CNGA4: variants seen among roughly 807,000 people sequenced by gnomAD.
CNGA4 encodes the protein cyclic nucleotide gated channel subunit alpha 4.
Under a neutral mutation model 45.6 loss-of-function variants are expected in CNGA4, and 32 were observed. The observed-to-expected ratio is 0.70, with a 90% CI of 0.53 to 0.94. The LOEUF (loss-of-function observed/expected upper bound fraction) is 0.94. CNGA4 is among the 40% of genes least tolerant of loss of function. The pLI is 0.00. For missense variants in CNGA4, 726 were observed against 755.1 expected, an observed-to-expected ratio of 0.96 and a Z score of 0.45; for synonymous variants, 293 against 304.6, an observed-to-expected ratio of 0.96 and a Z score of 0.40.
rs1847909650 is a variant in CNGA4, at chr11:6,240,940, CA to C, written c.917+235del. On this transcript the variant is annotated intron_variant, in intron 4 of 5. Coordinates refer to ENST00000379936, the MANE Select transcript of CNGA4 (RefSeq NM_001037329.4). This position sits in a 1 kb window ranked among gnomAD's most constrained non-coding sequence, Gnocchi z 4.9. ...ACTGATAGGGAGAGGAGCTCATACT[CA>C]AAAAAGGATAATATGGAGACCAGGG... Among the ~76,000 whole-genome samples the C allele has an allele frequency of 6.6e-6, 1 of 151,906 alleles. No individual in the cohort carries two copies. The highest frequency in any genetic ancestry group is 1.5e-5 in the Non-Finnish European group (1 of 67,972).
At chr11:6,236,772 T>C (rs1310340470), upstream of CNGA4, among the ~76,000 whole-genome samples, 1 of 152,218 alleles carries the variant, frequency 6.6e-6, no homozygotes, top group Non-Finnish European at 1.5e-5. Flanking sequence ...TTGTTCTGGT[T>C]ACTATGCTAT....
chr11:6,241,833 A>G (rs764158294), intron 5 of CNGA4, 53 bp downstream of exon 5: 1 of 1,526,314 alleles, frequency 6.6e-7, no homozygotes, highest in African/African-American at 1.4e-5. Context: ...GTAGGGGGGA[A>G]CAGCAGAGCC....
At chr11:6,235,682 T>A (rs1847823237), upstream of CNGA4, among the ~76,000 whole-genome samples, 1 of 152,224 alleles carries the variant, frequency 6.6e-6, no homozygotes, top group South Asian at 2.1e-4. Context: ...GGCTCACGCC[T>A]GTAATCCCAG....
chr11:6,240,238 C>G lies in CNGA4; in HGVS notation c.444C>G (p.Pro148=), dbSNP rs571568155. The G allele has an allele frequency of 4.3e-6, 7 of 1,614,256 alleles. 1 individual carries two copies. The South Asian group carries it at 6.6e-5, about 15-fold the overall frequency. The change falls in exon 4 of 6, where the codon CCC becomes CCG. Residue 148 remains proline, a synonymous_variant. Coordinates refer to ENST00000379936, the MANE Select transcript of CNGA4 (RefSeq NM_001037329.4). This position sits in a 1 kb window ranked among gnomAD's most constrained non-coding sequence, Gnocchi z 4.9. ...GGCTGAACCGCTTTCTCCGCGCGCC[C>G]CGCCTCTTCGAGGCCTTCGACCGCA... ...TLRLNRFLRA[P]RLFEAFDRTE...
rs779761164 is a variant in CNGA4, at chr11:6,241,583, T to G, written c.1070T>G (p.Leu357Arg). ...TTTCAGAACTGTGAGGCCAGCCTGC[T>G]GGAGGAGCTGGTGCTGAAGCTGCAG... ...QIFQNCEASL[L>R]EELVLKLQPQ... The change falls in exon 5 of 6, where the codon CTG becomes CGG. Residue 357 changes from leucine (L) to arginine (R), a missense_variant. Coordinates refer to ENST00000379936, the MANE Select transcript of CNGA4 (RefSeq NM_001037329.4). 1.2e-6 allele frequency: 2 copies of G among 1,614,216 alleles called. No homozygotes were observed.
upstream of CNGA4, among the ~76,000 whole-genome samples, chr11:6,236,407 A>G (rs1234187127): frequency 1.3e-5 from 2 of 152,278 alleles, no homozygotes; most frequent in Non-Finnish European, 2.9e-5. Context: ...AAACAAGCTG[A>G]TAAGGCCCAA....
chr11:6,240,778 T>G lies in CNGA4; in HGVS notation c.917+67T>G. ...GGTGATGGAACCTGAGGGAGGTAAC[T>G]GGGTCCTTAGTGCCTGGTGAGCCAG... On this transcript the variant is annotated intron_variant, in intron 4 of 5. Coordinates refer to ENST00000379936, the MANE Select transcript of CNGA4 (RefSeq NM_001037329.4). The surrounding 1 kb of genome is among the most constrained non-coding windows in gnomAD (Gnocchi z 4.9). The G allele has an allele frequency of 1.3e-6, 2 of 1,552,662 alleles. No homozygotes were observed. Among genetic ancestry groups the G allele is most frequent in the Non-Finnish European group, 1.7e-6 (2 of 1,143,254 alleles).
At chr11:6,236,231 C>T (rs1435776052), upstream of CNGA4, among the ~76,000 whole-genome samples, 1 of 152,136 alleles carries the variant, frequency 6.6e-6, no homozygotes, top group African/African-American at 2.4e-5. Flanking sequence ...TACAGTGTGT[C>T]GGGAGCCTAG....
In CNGA4 at chr11:6,241,125, A is replaced by G. The variant is rs182184862; in HGVS notation, c.918-306A>G. 1.3e-3 allele frequency among the ~76,000 whole-genome samples: 195 copies of G among 152,300 alleles called. 1 individual carries two copies. Among genetic ancestry groups the G allele is most frequent in the African/African-American group, 4.6e-3 (192 of 41,554 alleles). On this transcript the variant is annotated intron_variant, in intron 4 of 5. Transcript: ENST00000379936. ...AAAGGAAGTGTCACAAAGTTGGGGA[A>G]GTAGAGCAGAGGGTCCCCAGAGAGG...
At position 6,239,439 on chromosome 11, in the gene CNGA4, A is replaced by G. The variant is rs777962404; in HGVS notation, c.118A>G (p.Thr40Ala). 51 of 1,614,112 alleles carry G rather than the reference A, an allele frequency of 3.2e-5. No homozygotes were observed. The highest frequency in any genetic ancestry group is 3.9e-5 in the Non-Finnish European group (46 of 1,180,050). ...SGDYYYWWLNTMVFPVMYNLI... is the reference protein window; with the variant it reads ...SGDYYYWWLNAMVFPVMYNLI... ...GGATTACTACTACTGGTGGCTGAAC[A>G]CAATGGTCTTCCCAGTCATGTATAA... Residue 40 changes from threonine (T) to alanine (A), a missense_variant, in exon 2 of 6, where the codon ACA becomes GCA. Physicochemically the swap from Thr to Ala is moderately conservative, Grantham distance 58. Transcript: ENST00000379936.
At position 6,240,383 on chromosome 11, in the gene CNGA4, G is replaced by A. The variant is rs771577653; in HGVS notation, c.589G>A (p.Gly197Arg). The change falls in exon 4 of 6, where the codon GGG (glycine) becomes AGG (arginine). Residue 197 changes from glycine to arginine, a missense_variant. Gly to Arg is a moderately radical substitution (Grantham distance 125). Coordinates refer to ENST00000379936, the MANE Select transcript of CNGA4 (RefSeq NM_001037329.4). The surrounding 1 kb of genome is among the most constrained non-coding windows in gnomAD (Gnocchi z 4.9). ...TGCCCTATCCCGGTACCTGGGCTTC[G>A]GGCGTGACGCATGGGTGTACCCGGA... ...YFALSRYLGF[G>R]RDAWVYPDPA... 6 of 1,614,218 alleles carry A rather than the reference G, an allele frequency of 3.7e-6. No individual in the cohort carries two copies. The East Asian group carries it at 6.7e-5, about 18-fold the overall frequency.
upstream of CNGA4, among the ~76,000 whole-genome samples, chr11:6,236,590 G>A (rs1247963431): frequency 6.6e-6 from 1 of 152,172 alleles, no homozygotes; most frequent in African/African-American, 2.4e-5. Flanking sequence ...TTAGAATTCA[G>A]GATAGTGATT....
At position 6,240,535 on chromosome 11, in the gene CNGA4, G is replaced by C. The variant is rs374795265; in HGVS notation, c.741G>C (p.Met247Ile). ...CCAGGGAAGAAGAGTACCTCTTCAT[G>C]GTGGGCGACTTCCTGCTGGCCGTCA... ...PPAREEEYLF[M>I]VGDFLLAVMG... Residue 247 changes from methionine to isoleucine, a missense_variant, in exon 4 of 6, where the codon ATG (methionine) becomes ATC (isoleucine). Physicochemically the swap from Met to Ile is conservative, Grantham distance 10 (BLOSUM62 1). Coordinates refer to ENST00000379936, the MANE Select transcript of CNGA4 (RefSeq NM_001037329.4). The surrounding 1 kb of genome is among the most constrained non-coding windows in gnomAD (Gnocchi z 4.9). 245 of 1,614,114 alleles carry C rather than the reference G, an allele frequency of 1.5e-4. No individual in the cohort carries two copies. Among genetic ancestry groups the C allele is most frequent in the Non-Finnish European group, 2.1e-4 (242 of 1,180,062 alleles).
At position 6,239,185 on chromosome 11, in the gene CNGA4, C is replaced by T. The variant is rs1444334681; in HGVS notation, c.-22C>T. The stretch of plus-strand genomic sequence containing the variant: ...CAGAGAGGGTGTGGACATCTCACAC[C>T]CCAGCACCAGACCACAGAACCATGA... On this transcript the variant is annotated 5_prime_UTR_variant, in exon 1 of 6. Coordinates refer to ENST00000379936, the MANE Select transcript of CNGA4 (RefSeq NM_001037329.4). 1.9e-6 allele frequency: 3 copies of T among 1,612,884 alleles called. No homozygotes were observed. Among genetic ancestry groups the T allele is most frequent in the Non-Finnish European group, 2.5e-6 (3 of 1,179,986 alleles).
upstream of CNGA4, among the ~76,000 whole-genome samples, chr11:6,237,606 A>G (rs1323722622): frequency 2.0e-5 from 3 of 152,186 alleles, no homozygotes; most frequent in Non-Finnish European, 2.9e-5. Context: ...CTTATGAAAG[A>G]CACTAAAAAG....
chr11:6,239,142 C>T lies in CNGA4; in HGVS notation c.-65C>T. On this transcript the variant is annotated 5_prime_UTR_variant, in exon 1 of 6. Transcript: ENST00000379936. Reference sequence around the variant, plus strand: ...GGCAGTCAGGCACTAGTGCCCAACTCCAGAAGTCCCCTACAGGCAGAGAGG... The same window carrying T: ...GGCAGTCAGGCACTAGTGCCCAACTTCAGAAGTCCCCTACAGGCAGAGAGG... The T allele has an allele frequency of 1.9e-6, 3 of 1,611,190 alleles. No homozygotes were observed. Among genetic ancestry groups the T allele is most frequent in the Admixed American group, 3.3e-5 (2 of 59,948 alleles).
chr11:6,235,938 CA>C (rs112508509), upstream of CNGA4, among the ~76,000 whole-genome samples: 159 of 105,470 alleles, frequency 1.5e-3, no homozygotes, highest in Middle Eastern at 5.9e-3. Context: ...GACTCCGTCT[CA>C]AAAAAAAAAA....
Position 6,241,744 on chromosome 11 carries a change from C to T in CNGA4, c.1231C>T (p.Leu411Phe). The T allele has an allele frequency of 3.1e-6, 5 of 1,614,182 alleles. No homozygotes were observed. The highest frequency in any genetic ancestry group is 4.2e-6 in the Non-Finnish European group (5 of 1,180,022). ...ACAGTATGCTGTGCTCGGTGCAGGG[C>T]TCTACTTTGGGGAGATCAGCATCAT... ...ITQYAVLGAG[L>F]YFGEISIINI... Residue 411 changes from leucine (L) to phenylalanine (F), a missense_variant, in exon 5 of 6, where the codon CTC (leucine) becomes TTC (phenylalanine). Coordinates refer to ENST00000379936, the MANE Select transcript of CNGA4 (RefSeq NM_001037329.4).
chr11:6,239,000 G>T (rs903199521), upstream of CNGA4: 21 of 1,411,926 alleles, frequency 1.5e-5, no homozygotes, highest in Non-Finnish European at 1.8e-5. Context: ...TGGGAGACAG[G>T]GCAGAGTGCT....
Sources: allele counts gnomAD v4.1 joint callset (sites outside exome capture counted in the v4.1 genomes callset), GRCh38; gene constraint gnomAD v4.1.1; non-coding constraint Gnocchi (gnomAD v3.1); transcripts MANE v1.5; gene names NCBI Gene and HGNC (gene_info 2026-07-23, HGNC 2026-07-21).